The following QTGAL variants were observed in gnomAD, a reference collection of about 807,000 sequenced individuals.
QTGAL encodes the protein queuosine-tRNA galactosyltransferase, also known as BGnT-like protein 1.
the QTGAL span, among the ~76,000 whole-genome samples, chr17:83,044,651 A>G: frequency 1.3e-5 from 2 of 152,222 alleles, no homozygotes; most frequent in South Asian, 4.1e-4. Flanking sequence ...AGAGCGATGA[A>G]GAAAGATAAA....
chr17:83,013,753 CG>C, the QTGAL span, among the ~76,000 whole-genome samples: 2 of 152,112 alleles, frequency 1.3e-5, no homozygotes, highest in Admixed American at 1.3e-4. Context: ...CCAAACTGCC[CG>C]GGGGACGGAC....
chr17:83,007,128 C>T, the QTGAL span: 3 of 813,530 alleles, frequency 3.7e-6, no homozygotes, highest in Non-Finnish European at 4.5e-6. Flanking sequence ...ATGTATTTTG[C>T]TCATTTTCTA....
At chr17:83,040,983 G>A in the QTGAL span, among the ~76,000 whole-genome samples, 18,426 of 151,316 alleles carry the variant, frequency 0.12, 1,129 homozygotes, top group Non-Finnish European at 0.13. Context: ...GGAGAATGGC[G>A]TGAACTTGGG....
chr17:83,047,292 C>G, the QTGAL span, among the ~76,000 whole-genome samples: 1 of 152,144 alleles, frequency 6.6e-6, no homozygotes, highest in African/African-American at 2.4e-5. Flanking sequence ...TGAGGCCCCA[C>G]CCTCATGTCC....
the QTGAL span, among the ~76,000 whole-genome samples, chr17:83,027,089 G>A: frequency 0.014 from 1,902 of 136,428 alleles, 56 homozygotes; most frequent in African/African-American, 0.052. Context: ...ACCCACCCTC[G>A]ACAGACACAC....
the QTGAL span, among the ~76,000 whole-genome samples, chr17:83,027,102 A>AGCAGG: frequency 6.8e-6 from 1 of 147,902 alleles, no homozygotes; most frequent in Non-Finnish European, 1.5e-5. Flanking sequence ...AGACACACAG[A>AGCAGG]GCAGGGCGGG....
At chr17:82,999,453 C>T in the QTGAL span, among the ~76,000 whole-genome samples, 3 of 152,202 alleles carry the variant, frequency 2.0e-5, no homozygotes, top group South Asian at 2.1e-4. Flanking sequence ...GGGGTGCTGA[C>T]CCCCTGCACA....
chr17:83,033,622 C>T, the QTGAL span, among the ~76,000 whole-genome samples: 1 of 151,556 alleles, frequency 6.6e-6, no homozygotes. Flanking sequence ...CAGGCGCCCA[C>T]CACCACGCCC....
At chr17:83,032,350 G>C in the QTGAL span, among the ~76,000 whole-genome samples, 121 of 63,022 alleles carry the variant, frequency 1.9e-3, no homozygotes, top group Middle Eastern at 0.012. Context: ...GCTGAACAAC[G>C]GGTCAGACCA....
chr17:82,946,208 G>C, the QTGAL span, among the ~76,000 whole-genome samples: 1 of 152,172 alleles, frequency 6.6e-6, no homozygotes, highest in South Asian at 2.1e-4. Context: ...ATGGCAAGAG[G>C]AAAAGGCAGA....
the QTGAL span, among the ~76,000 whole-genome samples, chr17:82,977,514 A>C: frequency 6.6e-6 from 1 of 152,150 alleles, no homozygotes; most frequent in African/African-American, 2.4e-5. Context: ...TCTTTGTTTA[A>C]AAGCACTCAT....
the QTGAL span, among the ~76,000 whole-genome samples, chr17:83,015,696 C>A: frequency 6.6e-6 from 1 of 152,244 alleles, no homozygotes; most frequent in Admixed American, 6.5e-5. The surrounding 1 kb of genome is among the most constrained non-coding windows in gnomAD (Gnocchi z 4.4). Context: ...GGGCGAGCGT[C>A]ACGGCCTGAG....
the QTGAL span, among the ~76,000 whole-genome samples, chr17:82,950,611 A>G: frequency 6.6e-6 from 1 of 152,216 alleles, no homozygotes; most frequent in East Asian, 1.9e-4. Flanking sequence ...CATCAGAGCA[A>G]TCACTATCTT....
At chr17:82,965,691 G>T in the QTGAL span, 1 of 1,612,110 alleles carries the variant, frequency 6.2e-7, no homozygotes, top group Non-Finnish European at 8.5e-7. Context: ...GGAGAACCAC[G>T]CTCGCGAGCA....
chr17:82,946,878 C>T, the QTGAL span: 1 of 1,551,450 alleles, frequency 6.4e-7, no homozygotes. Context: ...AAAAGACCCA[C>T]CTGGGAGCAG....
the QTGAL span, among the ~76,000 whole-genome samples, chr17:83,030,102 C>G: frequency 6.6e-6 from 1 of 151,980 alleles, no homozygotes; most frequent in Non-Finnish European, 1.5e-5. Flanking sequence ...AACCAAGGGT[C>G]GTGATTAATT....
chr17:82,972,964 C>T, the QTGAL span, among the ~76,000 whole-genome samples: 2 of 152,180 alleles, frequency 1.3e-5, no homozygotes, highest in Non-Finnish European at 2.9e-5. Context: ...GGGCTGTGAG[C>T]GGAAGGGGCT....
the QTGAL span, chr17:83,005,807 C>T: frequency 8.7e-7 from 1 of 1,151,442 alleles, no homozygotes; most frequent in Non-Finnish European, 1.2e-6. This position sits in a 1 kb window ranked among gnomAD's most constrained non-coding sequence, Gnocchi z 5.6. Context: ...CCCTGCAGAG[C>T]CTCAGAGCAT....
chr17:82,990,829 A>G, the QTGAL span, among the ~76,000 whole-genome samples: 3 of 152,082 alleles, frequency 2.0e-5, no homozygotes, highest in Admixed American at 1.3e-4. Flanking sequence ...TGTCTTTATA[A>G]TAAGAGACAC....
Sources: allele counts gnomAD v4.1 joint callset (sites outside exome capture counted in the v4.1 genomes callset), GRCh38; gene constraint gnomAD v4.1.1; non-coding constraint Gnocchi (gnomAD v3.1); transcripts MANE v1.5; gene names NCBI Gene and HGNC (gene_info 2026-07-23, HGNC 2026-07-21).